JUP: variants seen among roughly 807,000 people sequenced by gnomAD.
JUP encodes junction plakoglobin.
JUP carries 28 observed loss-of-function variants against 71.1 expected under a neutral mutation model. The observed-to-expected ratio is 0.39, with a 90% CI of 0.29 to 0.54. The LOEUF (loss-of-function observed/expected upper bound fraction) is 0.54. Ranked by LOEUF, JUP falls within the 20% of genes least tolerant of loss-of-function variation. The pLI, the probability that JUP is intolerant of heterozygous loss-of-function variation, is 0.62. For missense variants in JUP, 869 were observed against 1,030.1 expected (o/e 0.84, Z 2.14); for synonymous variants, 401 against 438.9 (o/e 0.91, Z 1.08).
chr17:41,756,131 C>T (rs529520010), intron 13 of JUP, 44 bp downstream of exon 13: 26 of 1,595,570 alleles, frequency 1.6e-5, no homozygotes, highest in East Asian at 1.6e-4. Flanking sequence ...CCCACACAGC[C>T]GCCCAGGATC....
At chr17:41,769,814 G>A (rs934681871) in intron 2 of JUP, 137 bp from the exon 3 acceptor site, 2 of 939,964 alleles carry the variant, frequency 2.1e-6, no homozygotes, top group Non-Finnish European at 3.1e-6. Flanking sequence ...CACATGACTG[G>A]CCATTCTACC....
At position 41,755,580 on chromosome 17, in the gene JUP, A is replaced by G. The variant is rs1009236471; in HGVS notation, c.*164T>C. The G allele has an allele frequency of 6.6e-6, 4 of 609,542 alleles. No individual in the cohort carries two copies. The highest frequency in any genetic ancestry group is 3.6e-5 in the South Asian group (1 of 27,640). 37.8% of individuals were successfully genotyped at this position (609,542 alleles called of 1,614,324 possible). On this transcript the variant is annotated 3_prime_UTR_variant, in exon 14 of 14. Transcript: ENST00000393931. ...CCATCCCCACCAAAGACACAAGAAG[A>G]AGGCAGGCCAGGGCACACCGTGCTT...
chr17:41,772,952 C>A (rs762758894), intron 1 of JUP: 53 of 985,404 alleles, frequency 5.4e-5, no homozygotes, highest in Admixed American at 6.1e-5. Context: ...ACGCCGTGAT[C>A]CCATGAGGGC....
At position 41,769,004 on chromosome 17, in the gene JUP, C is replaced by A. The variant is rs200255135; in HGVS notation, c.672G>T (p.Lys224Asn). ...HHREGLLAIF[K>N]SGGIPALVRM... Reference sequence around the variant, plus strand: ...GGACCAGAGCAGGGATGCCACCCGACTTGAAGATGGCGAGCAGCCCCTCCC... The same window carrying A: ...GGACCAGAGCAGGGATGCCACCCGAATTGAAGATGGCGAGCAGCCCCTCCC... Residue 224 changes from lysine to asparagine, a missense_variant, in exon 4 of 14, where the codon AAG becomes AAT. Transcript: ENST00000393931. 1 of 1,609,676 alleles carries A rather than the reference C, an allele frequency of 6.2e-7. No individual in the cohort carries two copies. Among genetic ancestry groups the A allele is most frequent in the East Asian group, 2.2e-5 (1 of 44,736 alleles).
chr17:41,762,049 A>G (rs782608183), intron 8 of JUP, among the ~76,000 whole-genome samples: 2 of 151,430 alleles, frequency 1.3e-5, no homozygotes, highest in Admixed American at 1.3e-4. Flanking sequence ...AGCCTGGGCA[A>G]TAGACATTGT....
At chr17:41,764,197 C>T (rs560163497) in intron 7 of JUP, among the ~76,000 whole-genome samples, 4 of 152,310 alleles carry the variant, frequency 2.6e-5, no homozygotes, top group African/African-American at 9.6e-5. Context: ...GTCATGGGGG[C>T]CTGTCTCTTG....
chr17:41,769,232 G>A (rs1386076415), intron 3 of JUP, 25 bp from the exon 4 acceptor site: 3 of 1,594,142 alleles, frequency 1.9e-6, no homozygotes, highest in Non-Finnish European at 2.6e-6. Flanking sequence ...CAGGGGCGGG[G>A]ACGTGAGCAC....
At chr17:41,772,118 A>C in intron 1 of JUP, 1 of 570,236 alleles carries the variant, frequency 1.8e-6, no homozygotes, top group Non-Finnish European at 3.2e-6. Flanking sequence ...TGCATCTCTG[A>C]CCTCCCAGGG....
At chr17:41,770,395 T>C (rs1274498869) in intron 2 of JUP, among the ~76,000 whole-genome samples, 1 of 152,188 alleles carries the variant, frequency 6.6e-6, no homozygotes, top group Non-Finnish European at 1.5e-5. Flanking sequence ...GCAACTGTCC[T>C]GATGCCCCCA....
At position 41,755,338 on chromosome 17, in the gene JUP, G is replaced by A. The variant is rs112919070; in HGVS notation, c.*406C>T. On this transcript the variant is annotated 3_prime_UTR_variant, in exon 14 of 14. Coordinates refer to ENST00000393931, the MANE Select transcript of JUP (RefSeq NM_002230.4). ...CGGAGGACCTCTGGAGGCGCAGGGT[G>A]CAGCAGGAAGTTACACCCCGGCTTC... is the stretch of plus-strand genomic sequence containing the variant. The A allele has an allele frequency of 3.2e-4, 131 of 405,300 alleles. No individual in the cohort carries two copies. Among genetic ancestry groups the A allele is most frequent in the African/African-American group, 2.6e-3 (125 of 48,796 alleles). 25.1% of individuals were successfully genotyped at this position (405,300 alleles called of 1,614,324 possible).
In JUP at chr17:41,759,318, G is replaced by A. The variant is rs59971330; in HGVS notation, c.1498-448C>T. Reference sequence around the variant, plus strand: ...TCGAACCCCTGACCTCAGGTGATCCGCCTGCTTCTGCCTTCTAAAGTGCTG... The same window carrying A: ...TCGAACCCCTGACCTCAGGTGATCCACCTGCTTCTGCCTTCTAAAGTGCTG... On this transcript the variant is annotated intron_variant, in intron 8 of 13. Coordinates refer to ENST00000393931, the MANE Select transcript of JUP (RefSeq NM_002230.4). 8.9e-3 allele frequency among the ~76,000 whole-genome samples: 1,352 copies of A among 152,154 alleles called. 22 individuals are homozygous for A. Among genetic ancestry groups the A allele is most frequent in the African/African-American group, 0.03 (1,240 of 41,494 alleles).
In JUP at chr17:41,773,700, G is replaced by A. The variant is rs544744813; in HGVS notation, c.-8-1838C>T. Among the ~76,000 whole-genome samples, 9 of 152,030 alleles carry A rather than the reference G, an allele frequency of 5.9e-5. No homozygotes were observed. In the East Asian group the frequency reaches 1.8e-3, roughly 30 times the overall value. ...GGGGCAATGGTGGGGGGCGGGGGGCGGGGTGCTCGGAGAAGGCAGACATGG... is the reference window on the plus strand; with the variant it reads ...GGGGCAATGGTGGGGGGCGGGGGGCAGGGTGCTCGGAGAAGGCAGACATGG... On this transcript the variant is annotated intron_variant, in intron 1 of 13. Coordinates refer to ENST00000393931, the MANE Select transcript of JUP (RefSeq NM_002230.4).
chr17:41,784,033 A>G (rs1270745682), intron 1 of JUP, among the ~76,000 whole-genome samples: 1 of 152,078 alleles, frequency 6.6e-6, no homozygotes, highest in Admixed American at 6.6e-5. Flanking sequence ...ACTGAGGCTC[A>G]GGTAATGAGA....
chr17:41,771,597 G>A, intron 2 of JUP, 50 bp downstream of exon 2: 2 of 1,556,282 alleles, frequency 1.3e-6, no homozygotes, highest in Non-Finnish European at 1.8e-6. Context: ...CCTCTCTCCA[G>A]GACCCAGGCA....
rs782059109 is a variant in JUP at position 41,758,316 on chromosome 17, A to G, written c.1773+83T>C. The G allele has an allele frequency of 1.0e-5, 16 of 1,582,306 alleles. No individual in the cohort carries two copies. The East Asian group carries it at 1.3e-4, about 13-fold the overall frequency. Reference sequence around the variant, plus strand: ...CCAAAGACCTCTTGATACCTGGTCCAGGCCTCCCAAATCTGGGACTCCTAA... The same window carrying G: ...CCAAAGACCTCTTGATACCTGGTCCGGGCCTCCCAAATCTGGGACTCCTAA... On this transcript the variant is annotated intron_variant, in intron 10 of 13. Transcript: ENST00000393931.
At chr17:41,768,414 T>C (rs1597821161) in intron 4 of JUP, among the ~76,000 whole-genome samples, 1 of 108,882 alleles carries the variant, frequency 9.2e-6, no homozygotes, top group South Asian at 3.0e-4. Context: ...CAAAAAAAAA[T>C]AGCTAGGTAT....
intron 12 of JUP, among the ~76,000 whole-genome samples, chr17:41,756,916 A>G (rs1555598307): frequency 6.6e-6 from 1 of 152,166 alleles, no homozygotes. Flanking sequence ...ATAAAAATAA[A>G]TAAATAAATA....
intron 1 of JUP, among the ~76,000 whole-genome samples, chr17:41,779,457 A>T (rs1225579785): frequency 6.8e-6 from 1 of 147,998 alleles, no homozygotes; most frequent in African/African-American, 2.5e-5. Flanking sequence ...CCTCCACAGT[A>T]GCTGGAACTA....
intron 2 of JUP, chr17:41,771,285 G>A: frequency 3.2e-6 from 1 of 310,392 alleles, no homozygotes; most frequent in Non-Finnish European, 6.2e-6. Flanking sequence ...GCCCACCTCA[G>A]CCTCCCAAAG....
Sources: gnomAD v4.1 joint callset for allele counts (sites outside exome capture counted in the v4.1 genomes callset) on GRCh38, gnomAD v4.1.1 for gene constraint, MANE v1.5 for transcripts, NCBI Gene and HGNC (gene_info 2026-07-23, HGNC 2026-07-21) for gene names.